Variants in KRT7 observed in about 807,000 individuals in gnomAD.
KRT7 encodes keratin 7, also known as keratin, type II cytoskeletal 7.
KRT7 carries 50 observed loss-of-function variants against 42.8 expected under a neutral mutation model. That is an observed-to-expected ratio of 1.17 (90% CI 0.93 to 1.48). The LOEUF (loss-of-function observed/expected upper bound fraction) is 1.48, where lower values mean the gene tolerates loss of function less well. KRT7 is among the 40% of genes most tolerant of loss of function. The pLI is 0.00. For synonymous variants in KRT7, 268 were observed against 266.3 expected (o/e 1.01, Z -0.06); for missense variants, 588 against 637.6 (o/e 0.92, Z 0.84).
chr12:52,236,031 A>G (rs1942007468), intron 2 of KRT7, among the ~76,000 whole-genome samples: 1 of 152,030 alleles, frequency 6.6e-6, no homozygotes, highest in African/African-American at 2.4e-5. Context: ...CTCTTTTCTC[A>G]TTGAATAGAA....
chr12:52,235,030 C>T, intron 1 of KRT7, 125 bp from the exon 2 acceptor site: 1 of 861,880 alleles, frequency 1.2e-6, no homozygotes, highest in Non-Finnish European at 1.8e-6. Context: ...GGCTGGAAGC[C>T]CCAGGCAGGG....
intron 2 of KRT7, among the ~76,000 whole-genome samples, chr12:52,236,204 C>CCA (rs1565717049): frequency 6.6e-6 from 1 of 150,822 alleles, no homozygotes; most frequent in African/African-American, 2.4e-5. Flanking sequence ...AGTGCCCCCC[C>CCA]CCAACACTCC....
downstream of KRT7, chr12:52,253,357 T>C (rs779835988): frequency 2.5e-6 from 4 of 1,611,450 alleles, no homozygotes; most frequent in South Asian, 4.4e-5. Flanking sequence ...GTAGAGTTGC[T>C]TATGAGGCTC....
At chr12:52,252,098 A>AGTTT (rs1942273776), downstream of KRT7, 1 of 929,220 alleles carries the variant, frequency 1.1e-6, no homozygotes, top group South Asian at 1.4e-5. Flanking sequence ...AGTTGTGGGG[A>AGTTT]GCAAAGCTGG....
intron 1 of KRT7, among the ~76,000 whole-genome samples, chr12:52,234,121 C>CGGGGGGGGGGGGGG (rs1299477013): frequency 6.7e-4 from 2 of 2,982 alleles, no homozygotes; most frequent in Non-Finnish European, 9.3e-4. Flanking sequence ...GTCGGTGGGG[C>CGGGGGGGGGGGGGG]GGGGGAGGGG....
At chr12:52,237,610 C>CAT (rs10637094) in intron 3 of KRT7, 41 bp downstream of exon 3, 1,245,812 of 1,537,050 alleles carry the variant, frequency 0.81, 511,382 homozygotes, top group African/African-American at 0.91. Flanking sequence ...TGTCTGAAAA[C>CAT]ATGGGACAAA....
Position 52,235,193 on chromosome 12 carries a change from C to T in KRT7, c.363C>T (p.Thr121=). The part of the protein sequence containing the change: ...FLEQQNKLLE[T]KWTLLQEQKS... ...AGCAGCAGAACAAGCTGCTGGAGACCAAGTGGACGCTGCTGCAGGAGCAGA... is the reference window on the plus strand; with the variant it reads ...AGCAGCAGAACAAGCTGCTGGAGACTAAGTGGACGCTGCTGCAGGAGCAGA... Residue 121 remains threonine (T), a synonymous_variant, in exon 2 of 9, where the codon ACC becomes ACT. Transcript: ENST00000331817. 1 of 1,614,130 alleles carries T rather than the reference C, an allele frequency of 6.2e-7. No individual in the cohort carries two copies. Among genetic ancestry groups the T allele is most frequent in the Non-Finnish European group, 8.5e-7 (1 of 1,180,002 alleles).
chr12:52,247,519 T>C (rs1401713425), intron 7 of KRT7: 1 of 152,580 alleles, frequency 6.6e-6, no homozygotes, highest in Non-Finnish European at 1.5e-5. Flanking sequence ...GGCCAAGGCC[T>C]TGGTGACAAT....
chr12:52,234,208 C>T (rs1043944149), intron 1 of KRT7, among the ~76,000 whole-genome samples: 1 of 150,852 alleles, frequency 6.6e-6, no homozygotes, highest in Non-Finnish European at 1.5e-5. Flanking sequence ...AGAGGTTATA[C>T]CTGCCCTTGA....
In KRT7 at chr12:52,245,529, A is replaced by G; in HGVS notation, c.1102A>G (p.Met368Val). 1 of 1,614,152 alleles carries G rather than the reference A, an allele frequency of 6.2e-7. No homozygotes were observed. The highest frequency in any genetic ancestry group is 2.2e-5 in the East Asian group (1 of 44,878). Residue 368 changes from methionine to valine, a missense_variant, in exon 7 of 9, where the codon ATG becomes GTG. By Grantham distance (21) the Met-to-Val change is conservative. Coordinates refer to ENST00000331817, the MANE Select transcript of KRT7 (RefSeq NM_005556.4). ...EAALQRGKQD[M>V]ARQLREYQEL... ...CGCCCTGCAGCGGGGCAAGCAGGATATGGCACGGCAGCTGCGTGAGTACCA... is the reference window on the plus strand; with the variant it reads ...CGCCCTGCAGCGGGGCAAGCAGGATGTGGCACGGCAGCTGCGTGAGTACCA...
chr12:52,247,976 C>A (rs1942201190), intron 7 of KRT7: 1 of 601,644 alleles, frequency 1.7e-6, no homozygotes, highest in Non-Finnish European at 3.0e-6. Context: ...GTCAGGTGGC[C>A]AGTGGATAGA....
At chr12:52,248,335 A>G (rs1942207813) in intron 8 of KRT7, 124 bp downstream of exon 8, 4 of 1,007,818 alleles carry the variant, frequency 4.0e-6, no homozygotes, top group South Asian at 2.8e-5. Flanking sequence ...TCCTTTCTAC[A>G]GGGATTGACA....
chr12:52,243,155 G>C lies in KRT7; in HGVS notation c.984+18G>C. 1 of 1,602,660 alleles carries C rather than the reference G, an allele frequency of 6.2e-7. No individual in the cohort carries two copies. Among genetic ancestry groups the C allele is most frequent in the Non-Finnish European group, 8.5e-7 (1 of 1,173,990 alleles). ...AGAACCAGGTGGGACAAGTCCTCCTGGCTTCCCCTGCTACTTGGGGCATGC... is the reference window on the plus strand; with the variant it reads ...AGAACCAGGTGGGACAAGTCCTCCTCGCTTCCCCTGCTACTTGGGGCATGC... On this transcript the variant is annotated intron_variant, in intron 6 of 8. Coordinates refer to ENST00000331817, the MANE Select transcript of KRT7 (RefSeq NM_005556.4).
chr12:52,234,465 C>T (rs935580262), intron 1 of KRT7, among the ~76,000 whole-genome samples: 4 of 152,150 alleles, frequency 2.6e-5, no homozygotes, highest in African/African-American at 9.7e-5. Context: ...CACCCGCCTC[C>T]CTCACGTTCT....
chr12:52,237,721 C>CGTGTAT (rs1293403937), intron 3 of KRT7, 152 bp downstream of exon 3: 3 of 322,972 alleles, frequency 9.3e-6, no homozygotes, highest in East Asian at 4.8e-5. Flanking sequence ...CCTGTGGGTG[C>CGTGTAT]GTGTATGTGT....
intron 6 of KRT7, 123 bp downstream of exon 6, chr12:52,243,260 C>A: frequency 8.6e-7 from 1 of 1,164,732 alleles, no homozygotes; most frequent in Non-Finnish European, 1.2e-6. Flanking sequence ...GCCACTGTCT[C>A]AGACCCCCTT....
At chr12:52,238,477 C>T (rs1351933645) in intron 3 of KRT7, among the ~76,000 whole-genome samples, 1 of 152,192 alleles carries the variant, frequency 6.6e-6, no homozygotes, top group African/African-American at 2.4e-5. Context: ...GATACCAGTG[C>T]TGATGCCCAC....
At chr12:52,248,450 G>A in intron 8 of KRT7, 141 bp from the exon 9 acceptor site, 1 of 941,518 alleles carries the variant, frequency 1.1e-6, no homozygotes, top group Non-Finnish European at 1.6e-6. Flanking sequence ...CCTGTCAGAT[G>A]CTCCTTCTGG....
Position 52,235,276 on chromosome 12 carries a change from G to C in KRT7, c.446G>C (p.Arg149Pro). ...TTTGAGGCCCAGATTGCTGGCCTTC[G>C]GGGTCAGCTTGAGGCACTGCAGGTG... ...DIFEAQIAGL[R>P]GQLEALQVDG... Residue 149 changes from arginine (R) to proline (P), a missense_variant, in exon 2 of 9, where the codon CGG becomes CCG. Transcript: ENST00000331817. 3 of 1,614,168 alleles carry C rather than the reference G, an allele frequency of 1.9e-6. No homozygotes were observed. The South Asian group carries it at 3.3e-5, about 18-fold the overall frequency.
Sources: allele counts gnomAD v4.1 joint callset (sites outside exome capture counted in the v4.1 genomes callset), GRCh38; gene constraint gnomAD v4.1.1; transcripts MANE v1.5; gene names NCBI Gene and HGNC (gene_info 2026-07-23, HGNC 2026-07-21).